Variants in IHO1 observed in about 807,000 individuals in gnomAD.
IHO1 encodes the protein interactor of HORMAD1 1, also known as interactor of HORMAD1 protein 1.
In IHO1, 13 loss-of-function variants were observed where a neutral mutation model predicts 31.0. The observed-to-expected ratio is 0.42, with a 90% CI of 0.27 to 0.67. The LOEUF is 0.67. IHO1 is among the 30% of genes least tolerant of loss of function. IHO1 has a pLI of 0.24. For synonymous variants in IHO1, 221 were observed against 248.4 expected (o/e 0.89, Z 1.04); for missense variants, 599 against 687.5 (o/e 0.87, Z 1.44).
chr3:49,245,273 G>A lies in IHO1; in HGVS notation c.532+540G>A, dbSNP rs151224291. ...GCAATCTCGGCTCACTGCAAGCTCC[G>A]CCTCCCGGGTTCACGCCATTCTCCT... is the stretch of plus-strand genomic sequence containing the variant. On this transcript the variant is annotated intron_variant, in intron 6 of 7. Transcript: ENST00000452691. The A allele has an allele frequency of 5.7e-3, 885 of 155,322 alleles. 9 individuals carry two copies. The highest frequency in any genetic ancestry group is 0.02 in the African/African-American group (843 of 41,310). 9.6% of individuals were successfully genotyped at this position (155,322 alleles called of 1,614,324 possible).
intron 2 of IHO1, among the ~76,000 whole-genome samples, chr3:49,225,107 T>C (rs1399748712): frequency 6.6e-6 from 1 of 152,234 alleles, no homozygotes; most frequent in Non-Finnish European, 1.5e-5. Context: ...CCACTGGTTA[T>C]GGGGTTGTCC....
intron 4 of IHO1, among the ~76,000 whole-genome samples, chr3:49,243,757 CAAAAAAAAAA>C (rs1158612762): frequency 4.5e-5 from 2 of 44,584 alleles, no homozygotes; most frequent in African/African-American, 1.7e-4. Flanking sequence ...GACTCTGTCT[CAAAAAAAAAA>C]AAAAAAAAAA....
intron 6 of IHO1, among the ~76,000 whole-genome samples, chr3:49,246,049 G>C (rs563060212): frequency 6.6e-6 from 1 of 151,978 alleles, no homozygotes; most frequent in African/African-American, 2.4e-5. Context: ...GGGTGTGGTG[G>C]TGGGCGCCTG....
chr3:49,205,637 A>G (rs1176002922), intron 1 of IHO1, among the ~76,000 whole-genome samples: 1 of 149,450 alleles, frequency 6.7e-6, no homozygotes, highest in Non-Finnish European at 1.5e-5. Flanking sequence ...TCTGTTACCC[A>G]GGCTGGAGTG....
At chr3:49,249,917 A>C (rs1435555500) in intron 6 of IHO1, among the ~76,000 whole-genome samples, 1 of 152,250 alleles carries the variant, frequency 6.6e-6, no homozygotes, top group East Asian at 1.9e-4. Context: ...AAAAGCTTGC[A>C]TCACAATCTG....
At chr3:49,240,683 A>C (rs1268349392) in intron 3 of IHO1, among the ~76,000 whole-genome samples, 1 of 152,206 alleles carries the variant, frequency 6.6e-6, no homozygotes, top group Non-Finnish European at 1.5e-5. Context: ...AAGTTAGTAA[A>C]GTATGCTCTG....
rs115441657 is a variant in IHO1 at position 49,219,299 on chromosome 3, G to A, written c.56+7463G>A. Reference sequence around the variant, plus strand: ...GGCAAGGAACACCTCACCCACCCAGGGCAGAAAACTGCTTAAAGGCAATCC... The same window carrying A: ...GGCAAGGAACACCTCACCCACCCAGAGCAGAAAACTGCTTAAAGGCAATCC... On this transcript the variant is annotated intron_variant, in intron 2 of 7. Coordinates refer to ENST00000452691, the MANE Select transcript of IHO1 (RefSeq NM_001135197.2). Among the ~76,000 whole-genome samples, 1,143 of 152,254 alleles carry A rather than the reference G, an allele frequency of 7.5e-3. 17 individuals carry two copies. The highest frequency in any genetic ancestry group is 0.026 in the African/African-American group (1,062 of 41,524).
chr3:49,192,550 G>A, the IHO1 span, among the ~76,000 whole-genome samples: 922 of 152,250 alleles, frequency 6.1e-3, 10 homozygotes, highest in African/African-American at 0.021. Flanking sequence ...CAGAATGTCT[G>A]CCCCAGTGTA....
intron 2 of IHO1, chr3:49,228,438 A>G: frequency 2.6e-6 from 1 of 377,426 alleles, no homozygotes; most frequent in South Asian, 2.0e-5. Context: ...GGTGCCCGGT[A>G]TTTAGCCCCT....
intron 2 of IHO1, among the ~76,000 whole-genome samples, chr3:49,233,976 G>A (rs2046514900): frequency 6.6e-6 from 1 of 151,944 alleles, no homozygotes; most frequent in African/African-American, 2.4e-5. Flanking sequence ...CCATCCCTTT[G>A]TTTCCCATAA....
At chr3:49,196,906 G>A (rs1210893490), upstream of IHO1, among the ~76,000 whole-genome samples, 11 of 151,406 alleles carry the variant, frequency 7.3e-5, no homozygotes, top group Non-Finnish European at 1.6e-4. Flanking sequence ...CCCTGACCTC[G>A]TGATCTGCCC....
At chr3:49,235,694 G>C in intron 2 of IHO1, among the ~76,000 whole-genome samples, 1 of 152,036 alleles carries the variant, frequency 6.6e-6, no homozygotes, top group Non-Finnish European at 1.5e-5. Flanking sequence ...TTGGGAGCCT[G>C]AGGTGAGCAG....
In IHO1 at chr3:49,243,497, G is replaced by A. The variant is rs189741626; in HGVS notation, c.396-907G>A. Among the ~76,000 whole-genome samples the A allele has an allele frequency of 2.8e-3, 418 of 151,920 alleles. 3 individuals carry two copies. Among genetic ancestry groups the A allele is most frequent in the African/African-American group, 9.4e-3 (389 of 41,486 alleles). On this transcript the variant is annotated intron_variant, in intron 4 of 7. Transcript: ENST00000452691. Reference sequence around the variant, plus strand: ...GATGTGGCCAGGCGCGGTGGCTCACGGCTGTAATCCCAGCACTTTGGGAGA... The same window carrying A: ...GATGTGGCCAGGCGCGGTGGCTCACAGCTGTAATCCCAGCACTTTGGGAGA...
rs781326413 is a variant in IHO1 at position 49,236,666 on chromosome 3, T to C, written c.175T>C (p.Leu59=). 1.2e-6 allele frequency: 2 copies of C among 1,614,084 alleles called. No individual in the cohort carries two copies. Among genetic ancestry groups the C allele is most frequent in the South Asian group, 2.2e-5 (2 of 91,078 alleles). ...AAATTCAGAAACCCTATCAGCACCC[T>C]TGGACTTTGGTGCCCACTTGAGACA... ...PENSETLSAP[L]DFGAHLRHSK... Residue 59 remains leucine (L), a synonymous_variant, in exon 3 of 8, where the codon TTG becomes CTG. Coordinates refer to ENST00000452691, the MANE Select transcript of IHO1 (RefSeq NM_001135197.2).
chr3:49,196,979 CTTTTTT>C, upstream of IHO1, among the ~76,000 whole-genome samples: 1 of 94,312 alleles, frequency 1.1e-5, no homozygotes, highest in East Asian at 3.3e-4. Flanking sequence ...CACGTTTTTA[CTTTTTT>C]TTTTTTTTTT....
At chr3:49,202,495 T>TTGTGTGTGTGTGTG (rs113425200) in intron 1 of IHO1, among the ~76,000 whole-genome samples, 4 of 129,930 alleles carry the variant, frequency 3.1e-5, no homozygotes, top group Admixed American at 7.9e-5. Flanking sequence ...CCGGCTAATT[T>TTGTGTGTGTGTGTG]TGTGTGTGTG....
In IHO1 at chr3:49,257,296, G is replaced by T; in HGVS notation, c.*14G>T. On this transcript the variant is annotated 3_prime_UTR_variant, in exon 8 of 8. Coordinates refer to ENST00000452691, the MANE Select transcript of IHO1 (RefSeq NM_001135197.2). ...GATGGCTTCTGACCAGTCCACAGTT[G>T]ATTTATTGGTCTCAGCTAGAAAGAG... The T allele has an allele frequency of 6.2e-7, 1 of 1,606,028 alleles. No individual in the cohort carries two copies. The highest frequency in any genetic ancestry group is 1.1e-5 in the South Asian group (1 of 90,038).
intron 2 of IHO1, chr3:49,213,793 C>T (rs141316101): frequency 2.2e-4 from 39 of 178,802 alleles, no homozygotes; most frequent in African/African-American, 6.8e-4. Flanking sequence ...CAAGTGCATG[C>T]GCAGCCCTGG....
intron 2 of IHO1, among the ~76,000 whole-genome samples, chr3:49,227,073 G>A (rs912460718): frequency 1.3e-5 from 2 of 152,216 alleles, no homozygotes. Context: ...AGGCCCTCCT[G>A]TGGGATGTAA....
Sources: allele counts gnomAD v4.1 joint callset (sites outside exome capture counted in the v4.1 genomes callset), GRCh38; gene constraint gnomAD v4.1.1; transcripts MANE v1.5; gene names NCBI Gene and HGNC (gene_info 2026-07-23, HGNC 2026-07-21).